CACNA2D4: variants seen among roughly 807,000 people sequenced by gnomAD.
CACNA2D4 encodes the protein voltage-dependent calcium channel subunit alpha-2/delta-4.
Under a neutral mutation model 163.8 loss-of-function variants are expected in CACNA2D4, and 157 were observed. The ratio of observed to expected loss-of-function variants is 0.96; its 90% CI spans 0.84 to 1.09. CACNA2D4 has a LOEUF of 1.09. CACNA2D4 is among the 50% of genes least tolerant of loss of function. CACNA2D4 has a pLI of 0.00. For synonymous variants in CACNA2D4, 598 were observed against 586.9 expected (o/e 1.02, Z -0.27); for missense variants, 1,410 against 1,479.9 (o/e 0.95, Z 0.78).
chr12:1,856,088 A>G lies in CACNA2D4; in HGVS notation c.2076T>C (p.Ile692=). 6.2e-7 allele frequency: 1 copy of G among 1,613,970 alleles called. No homozygotes were observed. Among genetic ancestry groups the G allele is most frequent in the Non-Finnish European group, 8.5e-7 (1 of 1,179,870 alleles). ...AGDWIYCITD[I]DPDHRKLSQL... ...GGCTGAGCTTCCGGTGGTCTGGGTC[A>G]ATATCTGTGATGCAGTAGATCCTGA... Residue 692 remains isoleucine, a synonymous_variant, in exon 22 of 38, where the codon ATT becomes ATC. Transcript: ENST00000382722.
rs543061036 is a variant in CACNA2D4, at chr12:1,843,600, A to T, written c.2470+802T>A. Among the ~76,000 whole-genome samples the T allele has an allele frequency of 6.6e-6, 1 of 152,306 alleles. No individual in the cohort carries two copies. Among genetic ancestry groups the T allele is most frequent in the East Asian group, 1.9e-4 (1 of 5,188 alleles). ...CCATGCACTCTGGGATCCCTGGACA[A>T]GCCCCGGAAGCTCCCTGGGCCACAG... On this transcript the variant is annotated intron_variant, in intron 25 of 37. Transcript: ENST00000382722. This position sits in a 1 kb window ranked among gnomAD's most constrained non-coding sequence, Gnocchi z 4.6.
rs1188928005 is a variant in CACNA2D4, at chr12:1,834,744, G to T, written c.2551+5995C>A. ...TGAGCGCCCATCCCCACCCGGCCAG[G>T]TAGGAAGGGCGGGGAGAGCACACGG... is the stretch of plus-strand genomic sequence containing the variant. On this transcript the variant is annotated intron_variant, in intron 26 of 37. Transcript: ENST00000382722. This position sits in a 1 kb window ranked among gnomAD's most constrained non-coding sequence, Gnocchi z 7.6. The T allele has an allele frequency of 1.3e-6, 2 of 1,565,948 alleles. No homozygotes were observed. Among genetic ancestry groups the T allele is most frequent in the South Asian group, 2.3e-5 (2 of 86,268 alleles).
At chr12:1,832,715 T>A (rs1419636429) in intron 26 of CACNA2D4, among the ~76,000 whole-genome samples, 1 of 152,246 alleles carries the variant, frequency 6.6e-6, no homozygotes, top group African/African-American at 2.4e-5. Flanking sequence ...GGGGAAATAA[T>A]GATTACTACT....
At chr12:1,867,631 T>C (rs993304160) in intron 18 of CACNA2D4, among the ~76,000 whole-genome samples, 11 of 152,204 alleles carry the variant, frequency 7.2e-5, no homozygotes, top group Non-Finnish European at 1.0e-4. Flanking sequence ...TGGCAACCTA[T>C]GGATTGGGAG....
intron 26 of CACNA2D4, chr12:1,831,317 C>T (rs759805197): frequency 6.2e-6 from 10 of 1,613,688 alleles, no homozygotes; most frequent in African/African-American, 4.0e-5. Flanking sequence ...TGTCCATCAA[C>T]GGCCTGGCCC....
chr12:1,878,214 TA>T lies in CACNA2D4; in HGVS notation c.1719+100del. On this transcript the variant is annotated intron_variant, in intron 16 of 37. Coordinates refer to ENST00000382722, the MANE Select transcript of CACNA2D4 (RefSeq NM_172364.5). This position sits in a 1 kb window ranked among gnomAD's most constrained non-coding sequence, Gnocchi z 4.6. Reference sequence around the variant, plus strand: ...TTTCTCATATTACCCACTGGGTTCCTAAATGGAGCCCAATGTGTGTTTGTTG... The same window carrying T: ...TTTCTCATATTACCCACTGGGTTCCTAATGGAGCCCAATGTGTGTTTGTTG... The T allele has an allele frequency of 7.5e-7, 1 of 1,336,244 alleles. No individual in the cohort carries two copies. The highest frequency in any genetic ancestry group is 1.1e-6 in the Non-Finnish European group (1 of 951,734). 82.8% of individuals were successfully genotyped at this position (1,336,244 alleles called of 1,614,324 possible). A position where few individuals can be genotyped will look rare whatever the true frequency, so the allele number is the denominator to read the frequency against.
intron 26 of CACNA2D4, chr12:1,835,022 C>T (rs1011962781): frequency 4.6e-5 from 17 of 371,504 alleles, no homozygotes; most frequent in South Asian, 2.7e-4. Flanking sequence ...AGGAGGCTTC[C>T]GGACTGGGCA....
Position 1,824,831 on chromosome 12 carries a change from G to A in CACNA2D4, c.2552-13108C>T, listed in dbSNP as rs547071337. Among the ~76,000 whole-genome samples, 3 of 152,290 alleles carry A rather than the reference G, an allele frequency of 2.0e-5. No individual in the cohort carries two copies. The South Asian group carries it at 6.2e-4, about 32-fold the overall frequency. ...AAGGAACTAGGGAGTGCTGGCTGCA[G>A]CCCCACCTCTCTCTAGGAGTCCCTC... On this transcript the variant is annotated intron_variant, in intron 26 of 37. Coordinates refer to ENST00000382722, the MANE Select transcript of CACNA2D4 (RefSeq NM_172364.5).
chr12:1,819,307 G>A (rs1284206323), intron 26 of CACNA2D4, among the ~76,000 whole-genome samples: 1 of 152,158 alleles, frequency 6.6e-6, no homozygotes, highest in Non-Finnish European at 1.5e-5. Context: ...AGCATGAGAG[G>A]TCAGAGGCGG....
rs748721321 is a variant in CACNA2D4 at position 1,843,218 on chromosome 12, G to T, written c.2470+1184C>A. 1.1e-4 allele frequency among the ~76,000 whole-genome samples: 16 copies of T among 152,206 alleles called. No individual in the cohort carries two copies. Among genetic ancestry groups the T allele is most frequent in the Non-Finnish European group, 2.1e-4 (14 of 68,032 alleles). ...CAGGTGAGGAAGGCGGGATTCCGGA[G>T]GGGGCGGGGTGGAGCTCCTCCCTGC... On this transcript the variant is annotated intron_variant, in intron 25 of 37. Transcript: ENST00000382722. The surrounding 1 kb of genome is among the most constrained non-coding windows in gnomAD (Gnocchi z 4.6).
intron 18 of CACNA2D4, among the ~76,000 whole-genome samples, chr12:1,868,593 G>C (rs1004428484): frequency 1.3e-5 from 2 of 151,714 alleles, no homozygotes; most frequent in Non-Finnish European, 2.9e-5. Flanking sequence ...ATTGTACACT[G>C]GAAACTGGCC....
At chr12:1,884,160 G>T in intron 12 of CACNA2D4, 83 bp downstream of exon 12, 1 of 1,256,720 alleles carries the variant, frequency 8.0e-7, no homozygotes, top group Non-Finnish European at 1.1e-6. Flanking sequence ...GGGGAAGCCC[G>T]TGCTCAGCAC....
rs1234764315 is a variant in CACNA2D4, at chr12:1,820,441, C to CGATGG, written c.2552-8719_2552-8718insCCATC. ...GGTGTGCGCCTGTGTGTGCTGCTGC[C>CGATGG]GCTGTCATCACAGATGCACCCCAGC... On this transcript the variant is annotated intron_variant, in intron 26 of 37. Coordinates refer to ENST00000382722, the MANE Select transcript of CACNA2D4 (RefSeq NM_172364.5). This position sits in a 1 kb window ranked among gnomAD's most constrained non-coding sequence, Gnocchi z 6.0. 6.6e-6 allele frequency: 1 copy of CGATGG among 152,272 alleles called. No individual in the cohort carries two copies. Among genetic ancestry groups the CGATGG allele is most frequent in the Non-Finnish European group, 1.5e-5 (1 of 68,064 alleles). The allele number at this position is 152,272 out of a possible 1,614,324, so 9.4% of individuals were successfully genotyped here.
At chr12:1,866,385 G>A (rs1357262107) in intron 18 of CACNA2D4, among the ~76,000 whole-genome samples, 2 of 152,178 alleles carry the variant, frequency 1.3e-5, no homozygotes, top group African/African-American at 4.8e-5. Flanking sequence ...ACCCCACAAT[G>A]CAACATCGAA....
chr12:1,857,953 G>A (rs1865435527), intron 20 of CACNA2D4, among the ~76,000 whole-genome samples: 1 of 152,190 alleles, frequency 6.6e-6, no homozygotes, highest in Non-Finnish European at 1.5e-5. Flanking sequence ...CAGCTGAGGG[G>A]AGAAGGCCAC....
At chr12:1,824,620 C>CT (rs1864242470) in intron 26 of CACNA2D4, among the ~76,000 whole-genome samples, 1 of 152,226 alleles carries the variant, frequency 6.6e-6, no homozygotes, top group Admixed American at 6.5e-5. Context: ...CGCTGTCCCC[C>CT]ATGCTGCACC....
At position 1,838,292 on chromosome 12, in the gene CACNA2D4, G is replaced by A. The variant is rs1172071353; in HGVS notation, c.2551+2447C>T. ...CACTGCCCCCGTGGCTGGGCTGAGT[G>A]CCCGTCTCCTACCTTCCCCTCGAGC... On this transcript the variant is annotated intron_variant, in intron 26 of 37. Coordinates refer to ENST00000382722, the MANE Select transcript of CACNA2D4 (RefSeq NM_172364.5). Among the ~76,000 whole-genome samples the A allele has an allele frequency of 2.6e-5, 4 of 152,142 alleles. No homozygotes were observed. The South Asian group carries it at 6.2e-4, about 24-fold the overall frequency.
chr12:1,864,659 G>A (rs555808357), intron 18 of CACNA2D4, among the ~76,000 whole-genome samples: 1 of 152,342 alleles, frequency 6.6e-6, no homozygotes, highest in South Asian at 2.1e-4. Context: ...CGACGGCGAT[G>A]GGGATCGGCG....
chr12:1,812,871 G>T (rs977557533), intron 26 of CACNA2D4, among the ~76,000 whole-genome samples: 1 of 152,216 alleles, frequency 6.6e-6, no homozygotes, highest in African/African-American at 2.4e-5. Context: ...AACGGGAACG[G>T]ATGTGGCTTC....
Sources: allele counts gnomAD v4.1 joint callset (sites outside exome capture counted in the v4.1 genomes callset), GRCh38; gene constraint gnomAD v4.1.1; non-coding constraint Gnocchi (gnomAD v3.1); transcripts MANE v1.5; gene names NCBI Gene and HGNC (gene_info 2026-07-23, HGNC 2026-07-21).